Variants in NCAPH observed in about 807,000 individuals in gnomAD.
The protein encoded by NCAPH is condensin complex subunit 2.
Under a neutral mutation model 85.5 loss-of-function variants are expected in NCAPH, and 38 were observed. The observed-to-expected ratio is 0.44, with a 90% CI of 0.34 to 0.58. NCAPH has a LOEUF of 0.58. NCAPH is among the 20% of genes least tolerant of loss of function. NCAPH has a pLI of 0.01. For missense variants in NCAPH, 789 were observed against 916.6 expected (o/e 0.86, Z 1.80); for synonymous variants, 301 against 335.1 (o/e 0.90, Z 1.11).
At position 96,373,441 on chromosome 2, in the gene NCAPH, C is replaced by A; in HGVS notation, c.*90C>A. ...TCTCGGGGGAAGAAGATGCCATGGGCTTATACCCAGGCTGTAGCCAACTAC... is the reference window on the plus strand; with the variant it reads ...TCTCGGGGGAAGAAGATGCCATGGGATTATACCCAGGCTGTAGCCAACTAC... On this transcript the variant is annotated 3_prime_UTR_variant, in exon 18 of 18. Transcript: ENST00000240423. 2 of 1,261,640 alleles carry A rather than the reference C, an allele frequency of 1.6e-6. No individual in the cohort carries two copies. Among genetic ancestry groups the A allele is most frequent in the Non-Finnish European group, 2.3e-6 (2 of 867,764 alleles). 78.2% of individuals were successfully genotyped at this position (1,261,640 alleles called of 1,614,324 possible).
intron 7 of NCAPH, among the ~76,000 whole-genome samples, chr2:96,352,642 C>T (rs185326960): frequency 6.6e-6 from 1 of 152,208 alleles, no homozygotes; most frequent in African/African-American, 2.4e-5. Flanking sequence ...ACTTGGGGTC[C>T]CAGAAGAGCT....
chr2:96,353,369 C>A lies in NCAPH; in HGVS notation c.974C>A (p.Thr325Lys). Residue 325 changes from threonine to lysine, a missense_variant, in exon 8 of 18, where the codon ACA becomes AAA. Physicochemically the swap from Thr to Lys is moderately conservative, Grantham distance 78. Transcript: ENST00000240423. The stretch of plus-strand genomic sequence containing the variant: ...CCTTCCCTGGCCGGGTTCCAGTTTA[C>A]ACAGTGGGACAGTGAAACACATAAT... The part of the protein sequence containing the change: ...ICPSLAGFQF[T>K]QWDSETHNES... 6.2e-7 allele frequency: 1 copy of A among 1,614,196 alleles called. No homozygotes were observed. The highest frequency in any genetic ancestry group is 8.5e-7 in the Non-Finnish European group (1 of 1,180,006).
chr2:96,366,364 G>A (rs1295059097), intron 14 of NCAPH, among the ~76,000 whole-genome samples: 1 of 152,228 alleles, frequency 6.6e-6, no homozygotes, highest in Non-Finnish European at 1.5e-5. Flanking sequence ...AGGCTAGCTA[G>A]CTAGCTGTGT....
chr2:96,335,796 G>T lies in NCAPH; in HGVS notation c.-34G>T. On this transcript the variant is annotated 5_prime_UTR_variant, in exon 1 of 18. Transcript: ENST00000240423. ...GGCGCTCAGGCGTCTCGACGCGCGCGATTTAAAACCAGCTCAGGAGACGCC... is the reference window on the plus strand; with the variant it reads ...GGCGCTCAGGCGTCTCGACGCGCGCTATTTAAAACCAGCTCAGGAGACGCC... The T allele has an allele frequency of 2.0e-6, 3 of 1,476,508 alleles. No individual in the cohort carries two copies. In the South Asian group the frequency reaches 3.9e-5, roughly 19 times the overall value. The allele number at this position is 1,476,508 out of a possible 1,614,324, so 91.5% of individuals were successfully genotyped here. A position where few individuals can be genotyped will look rare whatever the true frequency, so the allele number is the denominator to read the frequency against.
At chr2:96,345,691 A>C (rs1573069071) in intron 6 of NCAPH, among the ~76,000 whole-genome samples, 1 of 152,206 alleles carries the variant, frequency 6.6e-6, no homozygotes, top group East Asian at 1.9e-4. Context: ...TAACTGGGAC[A>C]TGGTGAAGTG....
At chr2:96,354,425 G>T in intron 9 of NCAPH, 37 bp downstream of exon 9, 1 of 1,398,978 alleles carries the variant, frequency 7.1e-7, no homozygotes, top group Non-Finnish European at 9.4e-7. Context: ...TTCTATAGGA[G>T]TTTTCCATTG....
chr2:96,339,436 CA>C (rs2064260997), intron 1 of NCAPH, among the ~76,000 whole-genome samples: 1 of 151,610 alleles, frequency 6.6e-6, no homozygotes, highest in South Asian at 2.1e-4. Flanking sequence ...ACTAAAAATA[CA>C]AAAAAGTAGC....
At chr2:96,367,924 C>T (rs2064721927) in intron 15 of NCAPH, among the ~76,000 whole-genome samples, 2 of 152,318 alleles carry the variant, frequency 1.3e-5, no homozygotes, top group South Asian at 4.1e-4. Context: ...TTAAGTTGCT[C>T]TATGCTATGA....
intron 6 of NCAPH, among the ~76,000 whole-genome samples, 178 bp from the exon 7 acceptor site, chr2:96,351,653 G>A (rs2104449185): frequency 7.1e-6 from 1 of 141,784 alleles, no homozygotes; most frequent in East Asian, 2.1e-4. Context: ...GGGCGGCAGA[G>A]CAAGACTCCA....
chr2:96,344,513 T>C (rs527584561), intron 6 of NCAPH, among the ~76,000 whole-genome samples: 5 of 152,374 alleles, frequency 3.3e-5, no homozygotes, highest in African/African-American at 1.2e-4. Context: ...GCAGTGGTTA[T>C]GTTAGCTAAC....
chr2:96,354,733 T>G (rs1373680526), intron 9 of NCAPH, among the ~76,000 whole-genome samples: 1 of 152,210 alleles, frequency 6.6e-6, no homozygotes, highest in Non-Finnish European at 1.5e-5. Flanking sequence ...AGCTGAGCCT[T>G]TCTGACTCAG....
Position 96,367,335 on chromosome 2 carries a change from C to G in NCAPH, c.1960C>G (p.Leu654Val), listed in dbSNP as rs1479607887. Residue 654 changes from leucine (L) to valine (V), a missense_variant, in exon 15 of 18, where the codon CTG becomes GTG. Leu to Val is a conservative substitution (Grantham distance 32). Transcript: ENST00000240423. ...MKKLKQSMWS[L>V]LTALSGKEAD... ...GAAACTGAAGCAGAGCATGTGGAGT[C>G]TGCTGACAGCGCTCTCCGGAAAGGA... The G allele has an allele frequency of 6.2e-7, 1 of 1,613,702 alleles. No homozygotes were observed. Among genetic ancestry groups the G allele is most frequent in the Non-Finnish European group, 8.5e-7 (1 of 1,179,694 alleles).
At chr2:96,364,108 G>T (rs2064663348) in intron 12 of NCAPH, among the ~76,000 whole-genome samples, 1 of 152,134 alleles carries the variant, frequency 6.6e-6, no homozygotes, top group African/African-American at 2.4e-5. Flanking sequence ...GGCTGGTAAT[G>T]GGTTTTCTGT....
Position 96,349,099 on chromosome 2 carries a change from C to T in NCAPH, c.721-2732C>T, listed in dbSNP as rs142981329. ...GGAGCCTGAGGAAAACGGACTATTTCCCAGGCCTGCATTAGCTTTTCCCAT... is the reference window on the plus strand; with the variant it reads ...GGAGCCTGAGGAAAACGGACTATTTTCCAGGCCTGCATTAGCTTTTCCCAT... On this transcript the variant is annotated intron_variant, in intron 6 of 17. Transcript: ENST00000240423. Among the ~76,000 whole-genome samples the T allele has an allele frequency of 7.3e-3, 1,113 of 152,260 alleles. 11 individuals are homozygous for T. The highest frequency in any genetic ancestry group is 0.012 in the Non-Finnish European group (785 of 68,026).
At chr2:96,341,078 TGTG>T (rs1404532504) in intron 1 of NCAPH, among the ~76,000 whole-genome samples, 2 of 152,248 alleles carry the variant, frequency 1.3e-5, no homozygotes, top group South Asian at 2.1e-4. Flanking sequence ...GACTGGTTAA[TGTG>T]GTGACTGGTA....
intron 10 of NCAPH, chr2:96,359,406 G>C (rs529253304): frequency 3.6e-6 from 2 of 559,748 alleles, no homozygotes; most frequent in South Asian, 4.6e-5. Context: ...TGAGGAGAGT[G>C]AGTACTGGAG....
chr2:96,347,566 G>C (rs2064378585), intron 6 of NCAPH, among the ~76,000 whole-genome samples: 1 of 152,116 alleles, frequency 6.6e-6, no homozygotes. Flanking sequence ...GAATTTTGCT[G>C]ATGACTGAGT....
At chr2:96,369,538 T>A (rs780683481) in intron 17 of NCAPH, 38 bp downstream of exon 17, 2 of 1,567,692 alleles carry the variant, frequency 1.3e-6, no homozygotes, top group South Asian at 1.1e-5. Context: ...ATTAGAGTAT[T>A]CCCTGTTTAT....
Position 96,368,975 on chromosome 2 carries a change from A to C in NCAPH, c.2002A>C (p.Asn668His). 6.4e-7 allele frequency: 1 copy of C among 1,553,624 alleles called. No individual in the cohort carries two copies. The change falls in exon 16 of 18, where the codon AAC (asparagine) becomes CAC (histidine). Residue 668 changes from asparagine (N) to histidine (H), a missense_variant. Transcript: ENST00000240423. ...TGTATAAATGTGCTTCTGTTAGGCA[A>C]ACCACAGGGAAGCTGGAAAAGAAGC... ...LSGKEADAEA[N>H]HREAGKEAAL...
Sources: gnomAD v4.1 joint callset for allele counts (sites outside exome capture counted in the v4.1 genomes callset) on GRCh38, gnomAD v4.1.1 for gene constraint, MANE v1.5 for transcripts, NCBI Gene and HGNC (gene_info 2026-07-23, HGNC 2026-07-21) for gene names.